CSNK2A2IP: variants seen among roughly 807,000 people sequenced by gnomAD.
CSNK2A2IP encodes the protein casein kinase II subunit alpha'-interacting protein.
chr3:88,393,246 T>C, the CSNK2A2IP span, among the ~76,000 whole-genome samples: 1 of 152,200 alleles, frequency 6.6e-6, no homozygotes, highest in Non-Finnish European at 1.5e-5. Context: ...TCTTGAGATA[T>C]TTTAAAACTG....
chr3:88,354,096 C>T, the CSNK2A2IP span, among the ~76,000 whole-genome samples: 2 of 152,312 alleles, frequency 1.3e-5, no homozygotes, highest in South Asian at 2.1e-4. Flanking sequence ...ACATCCTGCT[C>T]TCCATCTTTC....
chr3:88,462,420 T>C, the CSNK2A2IP span, among the ~76,000 whole-genome samples: 2 of 152,178 alleles, frequency 1.3e-5, no homozygotes, highest in African/African-American at 2.4e-5. Context: ...CACAGGCATA[T>C]GCAAAGCAAG....
the CSNK2A2IP span, among the ~76,000 whole-genome samples, chr3:88,427,628 G>C: frequency 1.6e-4 from 24 of 152,238 alleles, no homozygotes; most frequent in Admixed American, 3.3e-4. Flanking sequence ...GGCCAAAAGG[G>C]GCCAATGTAC....
At chr3:88,368,624 A>G in the CSNK2A2IP span, among the ~76,000 whole-genome samples, 1 of 152,058 alleles carries the variant, frequency 6.6e-6, no homozygotes, top group East Asian at 1.9e-4. Context: ...GGTTTAAGTA[A>G]TTAGGATACT....
chr3:88,338,583 G>C, the CSNK2A2IP span: 2 of 152,162 alleles, frequency 1.3e-5, no homozygotes, highest in East Asian at 3.8e-4. Flanking sequence ...ATTAAATGAA[G>C]ACCCAGGAAT....
chr3:88,458,535 G>T, the CSNK2A2IP span, among the ~76,000 whole-genome samples: 2 of 151,958 alleles, frequency 1.3e-5, no homozygotes, highest in Non-Finnish European at 2.9e-5. Flanking sequence ...CAATATACTT[G>T]ATTATCTAGT....
At chr3:88,353,714 T>C in the CSNK2A2IP span, among the ~76,000 whole-genome samples, 1 of 152,228 alleles carries the variant, frequency 6.6e-6, no homozygotes, top group Non-Finnish European at 1.5e-5. Context: ...ACTCTAATCA[T>C]ATCTATTATA....
chr3:88,349,741 G>A, the CSNK2A2IP span, among the ~76,000 whole-genome samples: 1 of 152,022 alleles, frequency 6.6e-6, no homozygotes, highest in African/African-American at 2.4e-5. Flanking sequence ...ACTAATTTAT[G>A]TTTCGACCAG....
At chr3:88,394,545 A>G in the CSNK2A2IP span, among the ~76,000 whole-genome samples, 1 of 151,890 alleles carries the variant, frequency 6.6e-6, no homozygotes, top group East Asian at 1.9e-4. Context: ...GCGAATTTTT[A>G]TATTTTTTAG....
the CSNK2A2IP span, among the ~76,000 whole-genome samples, chr3:88,375,129 G>A: frequency 6.6e-6 from 1 of 151,696 alleles, no homozygotes; most frequent in Non-Finnish European, 1.5e-5. Context: ...TACACAAACT[G>A]CAGCCACATT....
the CSNK2A2IP span, among the ~76,000 whole-genome samples, chr3:88,456,493 G>T: frequency 6.6e-6 from 1 of 151,550 alleles, no homozygotes; most frequent in Non-Finnish European, 1.5e-5. Flanking sequence ...TCTTTTTTTG[G>T]ACAGTTTGCT....
At chr3:88,374,284 T>G in the CSNK2A2IP span, among the ~76,000 whole-genome samples, 1 of 151,696 alleles carries the variant, frequency 6.6e-6, no homozygotes, top group East Asian at 1.9e-4. Flanking sequence ...GAGGCAGTAA[T>G]GAAGAATTCT....
chr3:88,432,968 A>C, the CSNK2A2IP span, among the ~76,000 whole-genome samples: 1 of 151,840 alleles, frequency 6.6e-6, no homozygotes, highest in South Asian at 2.1e-4. Flanking sequence ...TAATACCTGG[A>C]AGCAGAACGA....
chr3:88,448,429 C>A, the CSNK2A2IP span, among the ~76,000 whole-genome samples: 1 of 152,070 alleles, frequency 6.6e-6, no homozygotes, highest in Non-Finnish European at 1.5e-5. Flanking sequence ...ATAATTTGTC[C>A]TAGGTAACCC....
chr3:88,434,402 A>G, the CSNK2A2IP span, among the ~76,000 whole-genome samples: 28 of 152,288 alleles, frequency 1.8e-4, no homozygotes, highest in Middle Eastern at 3.4e-3. Flanking sequence ...CTCTCTACCT[A>G]TTGTCTACAT....
chr3:88,377,468 A>G, the CSNK2A2IP span, among the ~76,000 whole-genome samples: 1 of 150,912 alleles, frequency 6.6e-6, no homozygotes, highest in Non-Finnish European at 1.5e-5. Context: ...CTGTTGACCT[A>G]TAAATGATTG....
chr3:88,417,029 A>T, the CSNK2A2IP span, among the ~76,000 whole-genome samples: 3 of 151,558 alleles, frequency 2.0e-5, no homozygotes, highest in Non-Finnish European at 4.4e-5. Flanking sequence ...TATCAAATAA[A>T]TATTTTTCTT....
chr3:88,456,543 T>G, the CSNK2A2IP span, among the ~76,000 whole-genome samples: 1 of 152,220 alleles, frequency 6.6e-6, no homozygotes, highest in Non-Finnish European at 1.5e-5. Flanking sequence ...GTATGTTTAT[T>G]TTGTATCCTA....
the CSNK2A2IP span, among the ~76,000 whole-genome samples, chr3:88,464,052 C>T: frequency 6.6e-6 from 1 of 151,132 alleles, no homozygotes; most frequent in African/African-American, 2.4e-5. Context: ...TCTCAGCAAA[C>T]TATTGCAAGG....
Sources: allele counts gnomAD v4.1 joint callset (sites outside exome capture counted in the v4.1 genomes callset), GRCh38; gene constraint gnomAD v4.1.1; transcripts MANE v1.5; gene names NCBI Gene and HGNC (gene_info 2026-07-23, HGNC 2026-07-21).